IST1: variants seen among roughly 807,000 people sequenced by gnomAD.
The protein encoded by IST1 is IST1 homolog.
IST1 carries 23 observed loss-of-function variants against 37.0 expected under a neutral mutation model. The observed-to-expected ratio is 0.62, with a 90% CI of 0.45 to 0.88. IST1 has a LOEUF of 0.88. Among genes scored for constraint, IST1 ranks in the 40% least tolerant of loss-of-function variants. The pLI is 0.00. For synonymous variants in IST1, 180 were observed against 161.7 expected (o/e 1.11, Z -0.86); for missense variants, 488 against 445.4 (o/e 1.10, Z -0.86).
At chr16:71,915,870 G>A (rs926069621) in intron 2 of IST1, 142 bp downstream of exon 2, 10 of 562,802 alleles carry the variant, frequency 1.8e-5, no homozygotes, top group African/African-American at 7.7e-5. Context: ...TCACTCTGTC[G>A]CCCAGGATGG....
At chr16:71,911,920 G>A (rs1423997764) in intron 1 of IST1, among the ~76,000 whole-genome samples, 1 of 151,908 alleles carries the variant, frequency 6.6e-6, no homozygotes, top group African/African-American at 2.4e-5. Flanking sequence ...GTTTCACCAT[G>A]TTGCCCGGGC....
At position 71,915,613 on chromosome 16, in the gene IST1, C is replaced by T. The variant is rs769314574; in HGVS notation, c.-15-13C>T. 3.2e-6 allele frequency: 5 copies of T among 1,580,722 alleles called. No individual in the cohort carries two copies. The highest frequency in any genetic ancestry group is 1.4e-5 in the African/African-American group (1 of 73,360). ...TGACTTGAAAATAGTCATTGTGCTT[C>T]TTCTGTTTCTAGGAGGAACAGCACA... On this transcript the variant is annotated splice_polypyrimidine_tract_variant and intron_variant, in intron 1 of 9. Coordinates refer to ENST00000378799, the MANE Select transcript of IST1 (RefSeq NM_001270975.2).
intron 1 of IST1, 111 bp from the exon 2 acceptor site, chr16:71,915,515 C>T (rs2037448317): frequency 3.1e-6 from 2 of 653,120 alleles, no homozygotes; most frequent in African/African-American, 1.9e-5. Flanking sequence ...TGTCATTTTC[C>T]TGTATTAGAA....
At chr16:71,907,519 C>T (rs1372694454) in intron 1 of IST1, among the ~76,000 whole-genome samples, 1 of 152,070 alleles carries the variant, frequency 6.6e-6, no homozygotes, top group Non-Finnish European at 1.5e-5. Flanking sequence ...CCTCGTGATC[C>T]GCCCGCCTCG....
At chr16:71,926,567 T>C (rs1341815116) in intron 9 of IST1, among the ~76,000 whole-genome samples, 1 of 151,856 alleles carries the variant, frequency 6.6e-6, no homozygotes, top group Non-Finnish European at 1.5e-5. Context: ...AGGATGGTCT[T>C]GATCTCCTGA....
intron 4 of IST1, among the ~76,000 whole-genome samples, chr16:71,918,298 G>T (rs1019483245): frequency 2.0e-5 from 3 of 151,846 alleles, no homozygotes; most frequent in African/African-American, 7.3e-5. Context: ...GACTCGAGTC[G>T]CTTTAGTTAA....
At chr16:71,911,779 C>G (rs944947153) in intron 1 of IST1, among the ~76,000 whole-genome samples, 6 of 144,098 alleles carry the variant, frequency 4.2e-5, no homozygotes, top group African/African-American at 1.3e-4. Flanking sequence ...TGCAGTGGCA[C>G]AGTAATGGCT....
rs547741087 is a variant in IST1 at position 71,909,270 on chromosome 16, G to T, written c.-15-6356G>T. Among the ~76,000 whole-genome samples, 4 of 151,866 alleles carry T rather than the reference G, an allele frequency of 2.6e-5. No individual in the cohort carries two copies. The South Asian group carries it at 8.3e-4, about 32-fold the overall frequency. On this transcript the variant is annotated intron_variant, in intron 1 of 9. Transcript: ENST00000378799. ...CTACAGGCGTGCACCCCCACAGCCA[G>T]CTAATTTCTAAATATTCTGTAGAGA...
Position 71,928,705 on chromosome 16 carries a change from A to G in IST1, c.*892A>G, listed in dbSNP as rs571260923. On this transcript the variant is annotated 3_prime_UTR_variant, in exon 10 of 10. Coordinates refer to ENST00000378799, the MANE Select transcript of IST1 (RefSeq NM_001270975.2). ...AAAGAGGGGTACCTGTTTTCATTTG[A>G]AAACTTTGATTCATGGAACCTTTAA... 4.6e-5 allele frequency: 7 copies of G among 152,556 alleles called. No homozygotes were observed. Among genetic ancestry groups the G allele is most frequent in the Non-Finnish European group, 2.9e-5 (2 of 68,040 alleles). 9.5% of individuals were successfully genotyped at this position (152,556 alleles called of 1,614,324 possible).
At position 71,922,223 on chromosome 16, in the gene IST1, A is replaced by G. The variant is rs932472604; in HGVS notation, c.553-251A>G. 3.8e-4 allele frequency among the ~76,000 whole-genome samples: 58 copies of G among 151,996 alleles called. 1 individual carries two copies. Among genetic ancestry groups the G allele is most frequent in the Admixed American group, 3.7e-3 (57 of 15,268 alleles). On this transcript the variant is annotated intron_variant, in intron 6 of 9. Transcript: ENST00000378799. Reference sequence around the variant, plus strand: ...TACTGCTCAGACATCCCTATTACCCACAGTTGGAAACACCATCAGGTCCAT... The same window carrying G: ...TACTGCTCAGACATCCCTATTACCCGCAGTTGGAAACACCATCAGGTCCAT...
At chr16:71,895,424 C>T (rs2036942367), upstream of IST1, 4 of 739,618 alleles carry the variant, frequency 5.4e-6, no homozygotes, top group Non-Finnish European at 6.6e-6. Context: ...CGCGTGGGTC[C>T]CGGCAGCGGC....
Position 71,925,779 on chromosome 16 carries a change from T to G in IST1, c.901+962T>G, listed in dbSNP as rs565488609. 2.0e-5 allele frequency among the ~76,000 whole-genome samples: 3 copies of G among 151,992 alleles called. No homozygotes were observed. The South Asian group carries it at 6.2e-4, about 31-fold the overall frequency. ...TTGAGAACAGCCTGGGCAAGATCCTTGTTTCCACAAAAAATTTTTAAAAAA... is the reference window on the plus strand; with the variant it reads ...TTGAGAACAGCCTGGGCAAGATCCTGGTTTCCACAAAAAATTTTTAAAAAA... On this transcript the variant is annotated intron_variant, in intron 9 of 9. Transcript: ENST00000378799.
chr16:71,924,811 A>C lies in IST1; in HGVS notation c.895A>C (p.Ile299Leu). The C allele has an allele frequency of 6.2e-7, 1 of 1,605,464 alleles. No individual in the cohort carries two copies. The highest frequency in any genetic ancestry group is 8.5e-7 in the Non-Finnish European group (1 of 1,172,122). Residue 299 changes from isoleucine to leucine, a missense_variant, in exon 9 of 10, where the codon ATT (isoleucine) becomes CTT (leucine). Physicochemically the swap from Ile to Leu is conservative, Grantham distance 5. Around this residue, in one of 2 missense-constraint regions of IST1, gnomAD observed 455 missense variants for 386.2 expected, o/e 1.18. Coordinates refer to ENST00000378799, the MANE Select transcript of IST1 (RefSeq NM_001270975.2). ...NADKNISSAQ[I>L]VGPGPKPEAS... is the part of the protein sequence containing the mutation. Reference sequence around the variant, plus strand: ...TGATAAGAATATCTCTTCTGCACAGATTGTTGGTGAGTAGTATCAATCAGA... The same window carrying C: ...TGATAAGAATATCTCTTCTGCACAGCTTGTTGGTGAGTAGTATCAATCAGA...
intron 1 of IST1, among the ~76,000 whole-genome samples, chr16:71,902,450 A>G (rs1426936362): frequency 2.0e-5 from 3 of 152,052 alleles, no homozygotes; most frequent in Non-Finnish European, 4.4e-5. Context: ...TTGTATTTTT[A>G]GTAGAGATGG....
At chr16:71,922,407 A>T (rs113165641) in intron 6 of IST1, 67 bp from the exon 7 acceptor site, 4 of 1,343,072 alleles carry the variant, frequency 3.0e-6, no homozygotes, top group Non-Finnish European at 4.2e-6. Flanking sequence ...TCCATCTCAG[A>T]CTCCGCTTTC....
intron 4 of IST1, 104 bp from the exon 5 acceptor site, chr16:71,920,635 T>C: frequency 1.3e-6 from 1 of 751,958 alleles, no homozygotes; most frequent in Non-Finnish European, 2.3e-6. Context: ...CTCCAGTGTT[T>C]TGGAAATCTT....
chr16:71,929,507 T>C lies in IST1; in HGVS notation c.*1694T>C. ...GCAAAGATAAGTAGTAATACGCTAA[T>C]AAATACTAAGCCAAGTAGGAGATAA... On this transcript the variant is annotated 3_prime_UTR_variant, in exon 10 of 10. Transcript: ENST00000378799. The C allele has an allele frequency of 6.5e-7, 1 of 1,530,252 alleles. No individual in the cohort carries two copies. Among genetic ancestry groups the C allele is most frequent in the Non-Finnish European group, 8.8e-7 (1 of 1,138,774 alleles). The allele number at this position is 1,530,252 out of a possible 1,614,324, so 94.8% of individuals were successfully genotyped here.
intron 1 of IST1, among the ~76,000 whole-genome samples, chr16:71,909,191 T>G (rs2037296658): frequency 1.3e-5 from 2 of 150,662 alleles, no homozygotes; most frequent in Non-Finnish European, 1.5e-5. Context: ...CCTCCTTGAC[T>G]TGACCTCCTG....
chr16:71,928,803 C>T lies in IST1; in HGVS notation c.*990C>T, dbSNP rs777370530. 1.3e-5 allele frequency: 2 copies of T among 152,184 alleles called. No individual in the cohort carries two copies. Among genetic ancestry groups the T allele is most frequent in the African/African-American group, 4.8e-5 (2 of 41,452 alleles). The allele number at this position is 152,184 out of a possible 1,614,324, so 9.4% of individuals were successfully genotyped here. A position where few individuals can be genotyped will look rare whatever the true frequency, so the allele number is the denominator to read the frequency against. On this transcript the variant is annotated 3_prime_UTR_variant, in exon 10 of 10. Coordinates refer to ENST00000378799, the MANE Select transcript of IST1 (RefSeq NM_001270975.2). ...ACTGCTTTCCTGGATGGATGGGACTCTTATGTCATAACTTCTGTTACTCCT... is the reference window on the plus strand; with the variant it reads ...ACTGCTTTCCTGGATGGATGGGACTTTTATGTCATAACTTCTGTTACTCCT...
Sources: allele counts gnomAD v4.1 joint callset (sites outside exome capture counted in the v4.1 genomes callset), GRCh38; gene constraint gnomAD v4.1.1; regional missense constraint gnomAD v4.1.1; transcripts MANE v1.5; gene names NCBI Gene and HGNC (gene_info 2026-07-23, HGNC 2026-07-21).